The following TRPC4 variants were observed in gnomAD, a reference collection of about 807,000 sequenced individuals.
TRPC4 encodes the protein transient receptor potential cation channel subfamily C member 4.
Under a neutral mutation model 99.4 loss-of-function variants are expected in TRPC4, and 49 were observed. The observed-to-expected ratio is 0.49, with a 90% confidence interval of 0.39 to 0.63. The LOEUF is 0.63. Ranked by LOEUF, TRPC4 falls within the 20% of genes least tolerant of loss-of-function variation. The probability of loss-of-function intolerance (pLI) is 0.00; values close to 1 mark genes in which losing one functional copy is unlikely to be tolerated. For missense variants in TRPC4, 898 were observed against 1,152.9 expected (o/e 0.78, Z 3.20); for synonymous variants, 454 against 425.9 (o/e 1.07, Z -0.81).
At chr13:37,667,683 C>G (rs191462016) in intron 5 of TRPC4, among the ~76,000 whole-genome samples, 1 of 152,266 alleles carries the variant, frequency 6.6e-6, no homozygotes, top group East Asian at 1.9e-4. Flanking sequence ...ACAACATTGT[C>G]CTTGAGATGA....
intron 4 of TRPC4, among the ~76,000 whole-genome samples, chr13:37,681,548 T>C (rs1953239984): frequency 6.6e-6 from 1 of 152,218 alleles, no homozygotes; most frequent in African/African-American, 2.4e-5. Flanking sequence ...ATGTTTGTTA[T>C]AAGCATGGTA....
At position 37,855,337 on chromosome 13, in the gene TRPC4, G is replaced by GAGAT. The variant is rs1555285072; in HGVS notation, c.-28+14257_-28+14258insATCT. ...TACACATGTAGATATATACAATGTA[G>GAGAT]ATATATATATATATATATATGCACC... On this transcript the variant is annotated intron_variant, in intron 1 of 10. Transcript: ENST00000379705. 2.9e-5 allele frequency among the ~76,000 whole-genome samples: 4 copies of GAGAT among 136,590 alleles called. No individual in the cohort carries two copies. The East Asian group carries it at 8.3e-4, about 28-fold the overall frequency. 89.6% of individuals were successfully genotyped at this position (136,590 alleles called of 152,430 possible).
chr13:37,810,951 T>C (rs1383089080), intron 1 of TRPC4, among the ~76,000 whole-genome samples: 1 of 152,058 alleles, frequency 6.6e-6, no homozygotes, highest in Non-Finnish European at 1.5e-5. Flanking sequence ...ATTCTACATA[T>C]TATCTCATTC....
chr13:37,676,927 A>G (rs1207741243), intron 4 of TRPC4, among the ~76,000 whole-genome samples: 3 of 151,480 alleles, frequency 2.0e-5, no homozygotes, highest in Admixed American at 6.6e-5. Flanking sequence ...GTGTGTGTAT[A>G]TATATATATG....
chr13:37,831,469 A>C (rs116679250), intron 1 of TRPC4, among the ~76,000 whole-genome samples: 1,621 of 152,318 alleles, frequency 0.011, 21 homozygotes, highest in African/African-American at 0.037. Flanking sequence ...TTTGGAATAT[A>C]GTATGGAGGT....
At chr13:37,639,162 C>T (rs1951634332) in intron 9 of TRPC4, 33 bp from the exon 10 acceptor site, 1 of 1,613,124 alleles carries the variant, frequency 6.2e-7, no homozygotes, top group African/African-American at 1.3e-5. Context: ...TATTGATACT[C>T]AATGAGTAAA....
At chr13:37,643,481 C>T (rs532441993) in intron 8 of TRPC4, among the ~76,000 whole-genome samples, 2 of 152,218 alleles carry the variant, frequency 1.3e-5, no homozygotes, top group Admixed American at 1.3e-4. Flanking sequence ...TAACAGCCCT[C>T]TTATAGAGAA....
chr13:37,772,586 CAT>C (rs1956585205), intron 2 of TRPC4, among the ~76,000 whole-genome samples: 1 of 151,770 alleles, frequency 6.6e-6, no homozygotes, highest in South Asian at 2.1e-4. Context: ...GAAAGTAAAA[CAT>C]ATTTTCAACA....
intron 6 of TRPC4, among the ~76,000 whole-genome samples, chr13:37,656,935 C>G (rs552604249): frequency 1.1e-3 from 163 of 152,254 alleles, no homozygotes; most frequent in African/African-American, 3.7e-3. Context: ...AAGATAAACC[C>G]TTACTCAGAA....
At chr13:37,866,859 G>GGGTGGGT (rs1959788251) in intron 1 of TRPC4, among the ~76,000 whole-genome samples, 1 of 84,948 alleles carries the variant, frequency 1.2e-5, no homozygotes, top group Non-Finnish European at 2.2e-5. Context: ...GGGGGGGCGG[G>GGGTGGGT]TATAGGGTAT....
chr13:37,673,176 A>G (rs1952919931), intron 5 of TRPC4, among the ~76,000 whole-genome samples: 1 of 139,934 alleles, frequency 7.1e-6, no homozygotes, highest in Non-Finnish European at 1.5e-5. Context: ...ATTCCCACCT[A>G]TGAGTGAGAA....
At position 37,637,016 on chromosome 13, in the gene TRPC4, C is replaced by A. The variant is rs961720518; in HGVS notation, c.2821G>T (p.Val941Phe). The A allele has an allele frequency of 6.2e-7, 1 of 1,613,716 alleles. No individual in the cohort carries two copies. Among genetic ancestry groups the A allele is most frequent in the Non-Finnish European group, 8.5e-7 (1 of 1,179,768 alleles). The stretch of plus-strand genomic sequence containing the variant: ...TGTTTCTCCTTTGGTATTATAGGAA[C>A]CGTGTCCTCCACCACCACCTTCTCT... ...KSEKVVVEDT[V>F]PIIPKEKHAK... The change falls in exon 11 of 11, where the codon GTT becomes TTT. Residue 941 changes from valine (V) to phenylalanine (F), a missense_variant. Physicochemically the swap from Val to Phe is conservative, Grantham distance 50. This residue lies in a region of TRPC4 where 346 missense variants were observed against 351.4 expected (regional missense o/e 0.98). Coordinates refer to ENST00000379705, the MANE Select transcript of TRPC4 (RefSeq NM_016179.4).
chr13:37,763,851 G>A (rs1287154293), intron 2 of TRPC4, among the ~76,000 whole-genome samples: 1 of 151,544 alleles, frequency 6.6e-6, no homozygotes, highest in Non-Finnish European at 1.5e-5. Context: ...TGACGTTGGA[G>A]GTAGAACAGT....
chr13:37,642,274 C>G (rs1384303905), intron 8 of TRPC4, among the ~76,000 whole-genome samples: 1 of 152,150 alleles, frequency 6.6e-6, no homozygotes. Flanking sequence ...TGCTATGACC[C>G]TAATGAGACA....
At chr13:37,670,446 C>T (rs1003062) in intron 5 of TRPC4, among the ~76,000 whole-genome samples, 37,111 of 151,996 alleles carry the variant, frequency 0.24, 5,179 homozygotes, top group East Asian at 0.68. Context: ...GAGGTAGAAC[C>T]TATACAATCC....
intron 2 of TRPC4, among the ~76,000 whole-genome samples, chr13:37,752,374 C>T (rs779477764): frequency 6.6e-6 from 1 of 151,762 alleles, no homozygotes; most frequent in South Asian, 2.1e-4. Flanking sequence ...ACACATGACA[C>T]ATCGATTTAT....
At chr13:37,800,501 G>A (rs1268180055) in intron 1 of TRPC4, among the ~76,000 whole-genome samples, 1 of 152,070 alleles carries the variant, frequency 6.6e-6, no homozygotes, top group African/African-American at 2.4e-5. Context: ...TACTCCCATA[G>A]TATGCATTTA....
Position 37,639,058 on chromosome 13 carries a change from C to T in TRPC4, c.2193G>A (p.Leu731=), listed in dbSNP as rs750033296. Residue 731 remains leucine (L), a synonymous_variant, in exon 10 of 11, where the codon CTG becomes CTA. Coordinates refer to ENST00000379705, the MANE Select transcript of TRPC4 (RefSeq NM_016179.4). The stretch of plus-strand genomic sequence containing the variant: ...TGGTTACCTTAAAGTTCTCTTCGGT[C>T]AGGCCTTCTTCAGTTTTAGCATCTC... ...MIRDAKTEEG[L]TEENFKELKQ... 6.2e-7 allele frequency: 1 copy of T among 1,613,466 alleles called. No individual in the cohort carries two copies. The highest frequency in any genetic ancestry group is 2.2e-5 in the East Asian group (1 of 44,868).
At chr13:37,755,958 CA>C (rs1956086527) in intron 2 of TRPC4, among the ~76,000 whole-genome samples, 1 of 151,900 alleles carries the variant, frequency 6.6e-6, no homozygotes, top group Non-Finnish European at 1.5e-5. Context: ...CTAACATAGT[CA>C]AAAGCAACAC....
Sources: allele counts gnomAD v4.1 joint callset (sites outside exome capture counted in the v4.1 genomes callset), GRCh38; gene constraint gnomAD v4.1.1; regional missense constraint gnomAD v4.1.1; transcripts MANE v1.5; gene names NCBI Gene and HGNC (gene_info 2026-07-23, HGNC 2026-07-21).